ZNF423: variants seen among roughly 807,000 people sequenced by gnomAD.
The protein encoded by ZNF423 is Ebf-associated zinc finger protein.
ZNF423 carries 12 observed loss-of-function variants against 95.8 expected under a neutral mutation model. The observed-to-expected ratio is 0.13, with a 90% CI of 0.08 to 0.20. ZNF423 has a LOEUF of 0.20. ZNF423 is among the 10% of genes least tolerant of loss of function. The pLI is 1.00. For synonymous variants in ZNF423, 749 were observed against 711.9 expected (o/e 1.05, Z -0.83); for missense variants, 1,316 against 1,737.1 (o/e 0.76, Z 4.31).
chr16:49,626,768 CA>C (rs1295482089), intron 4 of ZNF423, among the ~76,000 whole-genome samples: 2 of 151,208 alleles, frequency 1.3e-5, no homozygotes, highest in East Asian at 3.9e-4. Context: ...CCAATAGACC[CA>C]TCCATCCATC....
chr16:49,516,219 A>G (rs574220284), intron 7 of ZNF423, among the ~76,000 whole-genome samples: 30 of 152,256 alleles, frequency 2.0e-4, no homozygotes, highest in African/African-American at 7.0e-4. Context: ...CAATGCCCCA[A>G]TGTGGGGTCT....
chr16:49,835,202 G>C (rs182125715), intron 1 of ZNF423, among the ~76,000 whole-genome samples: 133 of 152,294 alleles, frequency 8.7e-4, no homozygotes, highest in Non-Finnish European at 1.5e-3. Context: ...CCCAGCCAAG[G>C]GGTCTGTGAG....
chr16:49,841,131 A>G (rs1353022870), intron 1 of ZNF423, among the ~76,000 whole-genome samples: 1 of 152,210 alleles, frequency 6.6e-6, no homozygotes, highest in African/African-American at 2.4e-5. Flanking sequence ...ACTGAGGCTT[A>G]CCAATAACAT....
At chr16:49,564,428 T>G (rs954584706) in intron 5 of ZNF423, among the ~76,000 whole-genome samples, 1 of 152,222 alleles carries the variant, frequency 6.6e-6, no homozygotes, top group African/African-American at 2.4e-5. Context: ...GAACCCCTTC[T>G]GTGGCCTTGA....
At chr16:49,621,803 T>C (rs1328853027) in intron 5 of ZNF423, among the ~76,000 whole-genome samples, 1 of 152,138 alleles carries the variant, frequency 6.6e-6, no homozygotes, top group Non-Finnish European at 1.5e-5. Context: ...CCTCTCACCA[T>C]TTCCCCAGCA....
At chr16:49,557,410 G>A (rs1039845456) in intron 5 of ZNF423, among the ~76,000 whole-genome samples, 1 of 152,236 alleles carries the variant, frequency 6.6e-6, no homozygotes, top group Admixed American at 6.5e-5. Context: ...TGCAGCCTGG[G>A]TGGAATGAGA....
chr16:49,681,621 T>C (rs1029751003), intron 3 of ZNF423, among the ~76,000 whole-genome samples: 3 of 152,236 alleles, frequency 2.0e-5, no homozygotes, highest in African/African-American at 7.2e-5. Flanking sequence ...TTCAAAGGGA[T>C]GGCTCCCAGG....
intron 2 of ZNF423, among the ~76,000 whole-genome samples, chr16:49,737,549 C>T (rs2033316075): frequency 6.6e-6 from 1 of 152,192 alleles, no homozygotes; most frequent in African/African-American, 2.4e-5. Context: ...TGTGAGCCAC[C>T]GCACCCAGCT....
chr16:49,816,751 T>A (rs1181881465), intron 1 of ZNF423, among the ~76,000 whole-genome samples: 1 of 152,106 alleles, frequency 6.6e-6, no homozygotes, highest in Non-Finnish European at 1.5e-5. Flanking sequence ...GCCACTGCAC[T>A]CCAGCCTGGG....
At chr16:49,642,125 G>A (rs1245708344) in intron 3 of ZNF423, among the ~76,000 whole-genome samples, 1 of 152,186 alleles carries the variant, frequency 6.6e-6, no homozygotes, top group Non-Finnish European at 1.5e-5. Flanking sequence ...TGTCCCACGT[G>A]CCAGCACTGT....
chr16:49,525,234 C>T lies in ZNF423; in HGVS notation c.3733+129G>A. 3.6e-6 allele frequency: 5 copies of T among 1,385,286 alleles called. No homozygotes were observed. In the Admixed American group the frequency reaches 1.0e-4, roughly 29 times the overall value. The allele number at this position is 1,385,286 out of a possible 1,614,324, so 85.8% of individuals were successfully genotyped here. A position where few individuals can be genotyped will look rare whatever the true frequency, so the allele number is the denominator to read the frequency against. ...GCCTGTTAATCCCTCAGGGTATCCCCAACGGAGTCCTGGTCTATAACAGGC... is the reference window on the plus strand; with the variant it reads ...GCCTGTTAATCCCTCAGGGTATCCCTAACGGAGTCCTGGTCTATAACAGGC... On this transcript the variant is annotated intron_variant, in intron 6 of 7. Transcript: ENST00000563137.
chr16:49,811,097 G>T (rs908055402), intron 1 of ZNF423, among the ~76,000 whole-genome samples: 1 of 152,208 alleles, frequency 6.6e-6, no homozygotes, highest in African/African-American at 2.4e-5. Flanking sequence ...GACAGACTGC[G>T]CTGGCTGTGT....
chr16:49,523,840 T>C (rs1968501188), intron 6 of ZNF423, 101 bp from the exon 7 acceptor site: 4 of 919,464 alleles, frequency 4.4e-6, no homozygotes, highest in Non-Finnish European at 6.9e-6. Context: ...CACTGTGGCA[T>C]AGGTACAGTC....
At chr16:49,702,562 C>T (rs981724044) in intron 3 of ZNF423, among the ~76,000 whole-genome samples, 2 of 152,078 alleles carry the variant, frequency 1.3e-5, no homozygotes, top group Non-Finnish European at 2.9e-5. Flanking sequence ...GGGGGGCTGG[C>T]GGGCCCCTCA....
At chr16:49,797,451 T>C (rs546059349) in intron 1 of ZNF423, among the ~76,000 whole-genome samples, 12 of 152,206 alleles carry the variant, frequency 7.9e-5, no homozygotes, top group Non-Finnish European at 1.5e-4. Flanking sequence ...AAGATCATCT[T>C]TGGCATCACG....
chr16:49,828,145 C>A (rs1004013895), intron 1 of ZNF423, among the ~76,000 whole-genome samples: 3 of 152,220 alleles, frequency 2.0e-5, no homozygotes, highest in Non-Finnish European at 2.9e-5. Context: ...CAAATTCAGG[C>A]ATTTTTCTTG....
chr16:49,641,451 C>T (rs1331465537), intron 3 of ZNF423, among the ~76,000 whole-genome samples: 2 of 152,170 alleles, frequency 1.3e-5, no homozygotes, highest in Non-Finnish European at 2.9e-5. Context: ...CATCAGGGTT[C>T]AGAGAGACAC....
chr16:49,772,732 C>T (rs1319408068), intron 2 of ZNF423, among the ~76,000 whole-genome samples: 1 of 152,218 alleles, frequency 6.6e-6, no homozygotes, highest in African/African-American at 2.4e-5. Context: ...CATCTTAAAA[C>T]CCCAGAGTCA....
intron 7 of ZNF423, among the ~76,000 whole-genome samples, chr16:49,514,748 C>T (rs968322380): frequency 7.9e-5 from 12 of 152,210 alleles, no homozygotes; most frequent in African/African-American, 2.4e-4. Flanking sequence ...CTGGGCTGGC[C>T]GCTTTGCCAC....
Sources: gnomAD v4.1 joint callset for allele counts (sites outside exome capture counted in the v4.1 genomes callset) on GRCh38, gnomAD v4.1.1 for gene constraint, MANE v1.5 for transcripts, NCBI Gene and HGNC (gene_info 2026-07-23, HGNC 2026-07-21) for gene names.